ROBO2: variants seen among roughly 807,000 people sequenced by gnomAD.
ROBO2 encodes the protein roundabout guidance receptor 2.
In ROBO2, 53 loss-of-function variants were observed where a neutral mutation model predicts 160.8. The ratio of observed to expected loss-of-function variants is 0.33; its 90% CI spans 0.26 to 0.41. The LOEUF is 0.41. ROBO2 is among the 10% of genes least tolerant of loss of function. The probability of loss-of-function intolerance (pLI) is 1.00; values close to 1 mark genes in which losing one functional copy is unlikely to be tolerated. For synonymous variants in ROBO2, 664 were observed against 611.7 expected (o/e 1.09, Z -1.26); for missense variants, 1,577 against 1,722.4 (o/e 0.92, Z 1.49).
chr3:77,451,917 TC>T (rs2081155286), intron 2 of ROBO2, among the ~76,000 whole-genome samples: 1 of 152,030 alleles, frequency 6.6e-6, no homozygotes, highest in African/African-American at 2.4e-5. Context: ...ATGCTATCCC[TC>T]CCCCAACCAT....
intron 2 of ROBO2, among the ~76,000 whole-genome samples, chr3:77,414,381 T>C (rs1029929527): frequency 2.0e-5 from 3 of 152,218 alleles, no homozygotes; most frequent in African/African-American, 7.2e-5. Flanking sequence ...CAGGTAATGA[T>C]ACCACACTAG....
chr3:76,152,208 G>T (rs2072237660), intron 2 of ROBO2, among the ~76,000 whole-genome samples: 1 of 152,156 alleles, frequency 6.6e-6, no homozygotes, highest in Admixed American at 6.5e-5. Flanking sequence ...TCTCCCTAGT[G>T]ATAGGTCCTG....
At chr3:77,640,338 C>T (rs2095332493) in intron 24 of ROBO2, among the ~76,000 whole-genome samples, 2 of 152,130 alleles carry the variant, frequency 1.3e-5, no homozygotes, top group Admixed American at 6.5e-5. Flanking sequence ...TGGTCTCGAT[C>T]TCTTGACCTC....
intron 2 of ROBO2, among the ~76,000 whole-genome samples, chr3:76,120,143 AG>A (rs2070686294): frequency 2.0e-5 from 3 of 151,850 alleles, no homozygotes; most frequent in African/African-American, 7.3e-5. Flanking sequence ...CTGAGATTCC[AG>A]GCATGCACCA....
chr3:76,120,321 T>G (rs1390684434), intron 2 of ROBO2, among the ~76,000 whole-genome samples: 1 of 152,202 alleles, frequency 6.6e-6, no homozygotes, highest in East Asian at 1.9e-4. Flanking sequence ...CTTTTAATGT[T>G]AATCTTTATT....
At chr3:77,426,139 A>T (rs1215488853) in intron 2 of ROBO2, among the ~76,000 whole-genome samples, 1 of 152,124 alleles carries the variant, frequency 6.6e-6, no homozygotes, top group Non-Finnish European at 1.5e-5. Context: ...TCCAGACAAG[A>T]AATAATGGTG....
intron 2 of ROBO2, among the ~76,000 whole-genome samples, chr3:76,703,600 G>A (rs1001991429): frequency 2.6e-5 from 4 of 151,978 alleles, no homozygotes; most frequent in East Asian, 1.9e-4. Context: ...ACTTATGAGT[G>A]AGAACATCTG....
intron 2 of ROBO2, among the ~76,000 whole-genome samples, chr3:76,770,342 T>C (rs9838483): frequency 0.019 from 2,941 of 151,452 alleles, 93 homozygotes; most frequent in African/African-American, 0.066. Flanking sequence ...TACTCACTTA[T>C]TAAATATACT....
At chr3:76,173,539 T>C (rs2073120333) in intron 2 of ROBO2, among the ~76,000 whole-genome samples, 1 of 150,344 alleles carries the variant, frequency 6.7e-6, no homozygotes, top group Middle Eastern at 3.2e-3. Flanking sequence ...CAGGCCCCAA[T>C]GTGCGATATT....
At chr3:77,607,070 T>A (rs62251148) in intron 20 of ROBO2, among the ~76,000 whole-genome samples, 18,405 of 152,242 alleles carry the variant, frequency 0.12, 1,506 homozygotes, top group Non-Finnish European at 0.18. Context: ...GCTCATATGC[T>A]GCTAGCTTAC....
intron 2 of ROBO2, among the ~76,000 whole-genome samples, chr3:76,059,643 T>A (rs1327048514): frequency 1.3e-5 from 2 of 152,192 alleles, no homozygotes; most frequent in Non-Finnish European, 2.9e-5. Context: ...GGGCAGAAGC[T>A]CTTTAGTTTA....
intron 2 of ROBO2, among the ~76,000 whole-genome samples, chr3:77,225,475 T>C (rs2086369307): frequency 6.6e-6 from 1 of 151,680 alleles, no homozygotes; most frequent in Admixed American, 6.6e-5. Flanking sequence ...GCTGGAATTG[T>C]GTGAAGTCTT....
intron 2 of ROBO2, among the ~76,000 whole-genome samples, chr3:75,946,895 G>A (rs1948320385): frequency 5.3e-5 from 8 of 152,066 alleles, no homozygotes; most frequent in Non-Finnish European, 1.5e-5. Context: ...TTACCTCTTA[G>A]GAGGGTGTAC....
At chr3:76,457,436 A>G (rs1282750765) in intron 2 of ROBO2, among the ~76,000 whole-genome samples, 1 of 152,148 alleles carries the variant, frequency 6.6e-6, no homozygotes, top group Non-Finnish European at 1.5e-5. Context: ...TGGGTTCCAA[A>G]GGTCTTAGGC....
At chr3:76,930,002 G>A (rs1020147500) in intron 2 of ROBO2, among the ~76,000 whole-genome samples, 19 of 152,068 alleles carry the variant, frequency 1.2e-4, no homozygotes, top group African/African-American at 4.6e-4. Flanking sequence ...TCATCTTCTT[G>A]TATATTACTT....
intron 2 of ROBO2, among the ~76,000 whole-genome samples, chr3:75,986,201 GTTA>G (rs1035256332): frequency 5.7e-5 from 8 of 139,626 alleles, no homozygotes; most frequent in Non-Finnish European, 9.7e-5. Flanking sequence ...GCCAACAATT[GTTA>G]TTTTCTGTTT....
At chr3:76,355,708 C>G (rs970081819) in intron 2 of ROBO2, among the ~76,000 whole-genome samples, 6 of 151,690 alleles carry the variant, frequency 4.0e-5, no homozygotes, top group Non-Finnish European at 7.4e-5. Flanking sequence ...ACAGATACAT[C>G]CATATAAAGA....
At chr3:76,055,917 C>G (rs1270977578) in intron 2 of ROBO2, among the ~76,000 whole-genome samples, 1 of 152,260 alleles carries the variant, frequency 6.6e-6, no homozygotes, top group Non-Finnish European at 1.5e-5. Flanking sequence ...CACCACCACA[C>G]CTGGCTGGAC....
chr3:77,097,076 C>A (rs1309608514), intron 1 of ROBO2, among the ~76,000 whole-genome samples: 2 of 152,118 alleles, frequency 1.3e-5, no homozygotes, highest in African/African-American at 4.8e-5. Flanking sequence ...ATCTGTGAGC[C>A]GTGTAAAAGA....
Sources: allele counts gnomAD v4.1 joint callset (sites outside exome capture counted in the v4.1 genomes callset), GRCh38; gene constraint gnomAD v4.1.1; transcripts MANE v1.5; gene names NCBI Gene and HGNC (gene_info 2026-07-23, HGNC 2026-07-21).